Variants in UTS2B observed in about 807,000 individuals in gnomAD.
UTS2B encodes the protein urotensin-2B.
UTS2B carries 21 observed loss-of-function variants against 19.2 expected under a neutral mutation model. The observed-to-expected ratio is 1.09, with a 90% CI of 0.78 to 1.58. UTS2B has a LOEUF of 1.58. Ranked by LOEUF, UTS2B falls within the 40% of genes most tolerant of loss-of-function variation. UTS2B has a pLI of 0.00. For synonymous variants in UTS2B, 57 were observed against 50.2 expected (o/e 1.14, Z -0.58); for missense variants, 138 against 130.3 (o/e 1.06, Z -0.29).
At chr3:191,284,672 A>C (rs1475853669) in intron 4 of UTS2B, among the ~76,000 whole-genome samples, 3 of 150,780 alleles carry the variant, frequency 2.0e-5, no homozygotes, top group Non-Finnish European at 3.0e-5. Context: ...TGTAATCCCA[A>C]CTCTTTGGGA....
chr3:191,342,585 G>C, the UTS2B span, among the ~76,000 whole-genome samples: 1 of 152,184 alleles, frequency 6.6e-6, no homozygotes, highest in African/African-American at 2.4e-5. Flanking sequence ...TGATCTTTGG[G>C]TTTTAATGGG....
chr3:191,275,442 A>G, intron 7 of UTS2B, 97 bp from the exon 8 acceptor site: 1 of 855,742 alleles, frequency 1.2e-6, no homozygotes, highest in South Asian at 1.5e-5. Flanking sequence ...GCACTTCGGG[A>G]GGCCGAGGCA....
chr3:191,275,275 A>C lies in UTS2B; in HGVS notation c.311T>G (p.Phe104Cys), dbSNP rs1716198766. ...ACCTCGTTTGCTAGGATGAGAAGAG[A>C]ATAGACCATCTACAGCATAGGACGT... Reference protein sequence around the residue: ...SETSYAVDGLFSSHPSKRACF... With the variant: ...SETSYAVDGLCSSHPSKRACF... Residue 104 changes from phenylalanine (F) to cysteine (C), a missense_variant, in exon 8 of 9, where the codon TTC becomes TGC. Transcript: ENST00000340524. The C allele has an allele frequency of 3.1e-6, 5 of 1,613,336 alleles. No homozygotes were observed. The highest frequency in any genetic ancestry group is 4.2e-6 in the Non-Finnish European group (5 of 1,179,434).
intron 5 of UTS2B, among the ~76,000 whole-genome samples, chr3:191,278,685 G>A (rs1006308989): frequency 2.0e-5 from 3 of 151,868 alleles, no homozygotes; most frequent in African/African-American, 2.4e-5. Flanking sequence ...TACCTCTTCC[G>A]TATTAACATC....
At chr3:191,292,825 C>T (rs1716754325) in intron 4 of UTS2B, among the ~76,000 whole-genome samples, 1 of 151,460 alleles carries the variant, frequency 6.6e-6, no homozygotes. Context: ...GAGGAAGTTC[C>T]CTTCAGTTTC....
At chr3:191,342,937 T>G in the UTS2B span, among the ~76,000 whole-genome samples, 1 of 152,226 alleles carries the variant, frequency 6.6e-6, no homozygotes, top group Admixed American at 6.5e-5. Flanking sequence ...TGAGAATAAT[T>G]GATAAGTACC....
At chr3:191,331,925 T>A (rs1718001663), upstream of UTS2B, among the ~76,000 whole-genome samples, 1 of 152,214 alleles carries the variant, frequency 6.6e-6, no homozygotes, top group Non-Finnish European at 1.5e-5. Flanking sequence ...TAGTTTAATA[T>A]TCTGATGCAG....
the UTS2B span, among the ~76,000 whole-genome samples, chr3:191,340,313 A>G: frequency 1.3e-5 from 2 of 152,206 alleles, no homozygotes; most frequent in African/African-American, 4.8e-5. Flanking sequence ...ATATACTATC[A>G]TAAAGTCCTT....
At chr3:191,276,935 G>A (rs1716252857) in intron 6 of UTS2B, 91 bp from the exon 7 acceptor site, 1 of 1,151,350 alleles carries the variant, frequency 8.7e-7, no homozygotes, top group African/African-American at 1.6e-5. Flanking sequence ...TACGTAGAAA[G>A]CATAGGTCTT....
At chr3:191,313,725 C>CTT (rs57398216) in intron 3 of UTS2B, among the ~76,000 whole-genome samples, 521 of 109,064 alleles carry the variant, frequency 4.8e-3, no homozygotes, top group East Asian at 8.3e-3. Context: ...CTCCACTTTC[C>CTT]TTTTTTTTTT....
intron 4 of UTS2B, among the ~76,000 whole-genome samples, chr3:191,287,439 A>T (rs1716586153): frequency 6.6e-6 from 1 of 152,146 alleles, no homozygotes; most frequent in African/African-American, 2.4e-5. Flanking sequence ...GGATACAAGG[A>T]TGTTTTACAT....
chr3:191,301,752 G>A (rs550803198), intron 4 of UTS2B, among the ~76,000 whole-genome samples: 1 of 151,880 alleles, frequency 6.6e-6, no homozygotes, highest in Admixed American at 6.6e-5. Flanking sequence ...GCCTCCCAAA[G>A]TGCTGGGATT....
At chr3:191,277,387 C>G (rs1716265749) in intron 6 of UTS2B, among the ~76,000 whole-genome samples, 1 of 151,968 alleles carries the variant, frequency 6.6e-6, no homozygotes, top group Non-Finnish European at 1.5e-5. Context: ...ATTCTTTTAA[C>G]CAGCATTTTG....
intron 8 of UTS2B, among the ~76,000 whole-genome samples, chr3:191,269,426 G>A (rs1190146132): frequency 4.6e-5 from 7 of 151,810 alleles, no homozygotes; most frequent in East Asian, 1.9e-4. Context: ...CAAACCCTGC[G>A]AAAGCAGAAG....
At chr3:191,328,896 T>G (rs1335698328) in intron 1 of UTS2B, 187 bp from the exon 2 acceptor site, 1 of 152,218 alleles carries the variant, frequency 6.6e-6, no homozygotes, top group African/African-American at 2.4e-5. Flanking sequence ...TACTCCAAAC[T>G]GGCCCAGAAT....
intron 3 of UTS2B, among the ~76,000 whole-genome samples, 172 bp downstream of exon 3, chr3:191,315,864 T>A (rs1717433324): frequency 6.6e-6 from 1 of 152,240 alleles, no homozygotes; most frequent in African/African-American, 2.4e-5. Context: ...ACACTCAGAT[T>A]CAAGGTAAAC....
chr3:191,317,679 T>C (rs1311010761), intron 2 of UTS2B, among the ~76,000 whole-genome samples: 1 of 152,110 alleles, frequency 6.6e-6, no homozygotes, highest in Non-Finnish European at 1.5e-5. Flanking sequence ...CCCTGGTTAA[T>C]GCGATTCTCC....
chr3:191,332,166 G>A (rs1576944640), upstream of UTS2B, among the ~76,000 whole-genome samples: 1 of 152,190 alleles, frequency 6.6e-6, no homozygotes, highest in East Asian at 1.9e-4. Flanking sequence ...AATAGAGGTC[G>A]TGGGTAGCAG....
rs146585305 is a variant in UTS2B at position 191,290,339 on chromosome 3, T to C, written c.-124-8026A>G. ...GTTCTTGTTATACACATTTATAGTA[T>C]ATAGCAATATTATTGTTGCCATTTA... On this transcript the variant is annotated intron_variant, in intron 4 of 8. Transcript: ENST00000340524. Among the ~76,000 whole-genome samples, 214 of 152,348 alleles carry C rather than the reference T, an allele frequency of 1.4e-3. 1 individual carries two copies. The highest frequency in any genetic ancestry group is 4.9e-3 in the African/African-American group (204 of 41,586).
Sources: allele counts gnomAD v4.1 joint callset (sites outside exome capture counted in the v4.1 genomes callset), GRCh38; gene constraint gnomAD v4.1.1; transcripts MANE v1.5; gene names NCBI Gene and HGNC (gene_info 2026-07-23, HGNC 2026-07-21).